Variants in PRKN observed in about 807,000 individuals in gnomAD.
PRKN encodes parkin RBR E3 ubiquitin protein ligase.
Under a neutral mutation model 59.5 loss-of-function variants are expected in PRKN, and 56 were observed. The ratio of observed to expected loss-of-function variants is 0.94; its 90% confidence interval spans 0.76 to 1.18. The LOEUF is 1.18. PRKN is among the 50% of genes most tolerant of loss of function. The pLI, the probability that PRKN is intolerant of heterozygous loss-of-function variation, is 0.00. For missense variants in PRKN, 657 were observed against 596.4 expected (o/e 1.10, Z -1.06); for synonymous variants, 250 against 222.1 (o/e 1.13, Z -1.12).
At position 161,502,179 on chromosome 6, in the gene PRKN, C is replaced by T. The variant is rs754787048; in HGVS notation, c.1083+46675G>A. Among the ~76,000 whole-genome samples the T allele has an allele frequency of 2.0e-5, 3 of 152,100 alleles. No individual in the cohort carries two copies. The highest frequency in any genetic ancestry group is 4.4e-5 in the Non-Finnish European group (3 of 68,034). On this transcript the variant is annotated intron_variant, in intron 9 of 11. Coordinates refer to ENST00000366898, the MANE Select transcript of PRKN (RefSeq NM_004562.3). This position sits in a 1 kb window ranked among gnomAD's most constrained non-coding sequence, Gnocchi z 4.0. ...GTTGCTAATCATGTCCATTTTGGGC[C>T]ATGCACTGCACATGCTTATCATTAG...
intron 6 of PRKN, among the ~76,000 whole-genome samples, chr6:161,793,397 T>A (rs1263735731): frequency 2.6e-5 from 4 of 152,128 alleles, no homozygotes; most frequent in Non-Finnish European, 5.9e-5. Flanking sequence ...AGGGTTTACT[T>A]TGGTTCTGTA....
chr6:162,581,590 G>A (rs757422632), intron 1 of PRKN, among the ~76,000 whole-genome samples: 2 of 152,110 alleles, frequency 1.3e-5, no homozygotes, highest in Non-Finnish European at 1.5e-5. Context: ...GCAAAATCCC[G>A]TCTCTACTAA....
At chr6:161,680,773 ATAT>A (rs1311062184) in intron 7 of PRKN, among the ~76,000 whole-genome samples, 7 of 19,672 alleles carry the variant, frequency 3.6e-4, no homozygotes, top group Admixed American at 7.8e-4. Context: ...ATATATATAT[ATAT>A]TTTTTTTTTT....
At chr6:161,827,632 T>C (rs1792301818) in intron 6 of PRKN, among the ~76,000 whole-genome samples, 1 of 151,668 alleles carries the variant, frequency 6.6e-6, no homozygotes, top group African/African-American at 2.4e-5. Context: ...CTCAGCCTCC[T>C]GAGTAGCTGG....
intron 8 of PRKN, among the ~76,000 whole-genome samples, chr6:161,557,365 T>C (rs1358699942): frequency 6.6e-6 from 1 of 152,156 alleles, no homozygotes; most frequent in Non-Finnish European, 1.5e-5. Flanking sequence ...GAAATAGATA[T>C]TGTATTCTGT....
In PRKN at chr6:161,488,774, C is replaced by A. The variant is rs906185707; in HGVS notation, c.1083+60080G>T. On this transcript the variant is annotated intron_variant, in intron 9 of 11. Coordinates refer to ENST00000366898, the MANE Select transcript of PRKN (RefSeq NM_004562.3). The surrounding 1 kb of genome is among the most constrained non-coding windows in gnomAD (Gnocchi z 4.5). ...TGTTGGGATTACAGGCGTAAGCCACCACACCTGGCATAACAAGGAATTTTT... is the reference window on the plus strand; with the variant it reads ...TGTTGGGATTACAGGCGTAAGCCACAACACCTGGCATAACAAGGAATTTTT... 1.3e-5 allele frequency among the ~76,000 whole-genome samples: 2 copies of A among 152,158 alleles called. No homozygotes were observed. Among genetic ancestry groups the A allele is most frequent in the Non-Finnish European group, 2.9e-5 (2 of 68,040 alleles).
intron 1 of PRKN, among the ~76,000 whole-genome samples, chr6:162,482,856 TATTATCCATCATACCTA>T (rs1792368767): frequency 1.3e-5 from 2 of 152,182 alleles, no homozygotes; most frequent in Non-Finnish European, 2.9e-5. Context: ...CGTGGAAATT[TATTATCCATCATACCTA>T]ATACCAAACT....
intron 1 of PRKN, among the ~76,000 whole-genome samples, chr6:162,719,095 C>G (rs1481825301): frequency 6.6e-6 from 1 of 152,206 alleles, no homozygotes; most frequent in Non-Finnish European, 1.5e-5. Flanking sequence ...CACAACAGAT[C>G]TCTACGAAAT....
intron 1 of PRKN, among the ~76,000 whole-genome samples, chr6:162,640,574 T>G (rs539849534): frequency 6.6e-6 from 1 of 152,150 alleles, no homozygotes; most frequent in Admixed American, 6.6e-5. Context: ...CAGCAACATA[T>G]CTAAACAAAT....
intron 7 of PRKN, among the ~76,000 whole-genome samples, chr6:161,771,374 A>AAAAG (rs1789681082): frequency 1.5e-5 from 2 of 132,484 alleles, no homozygotes; most frequent in Non-Finnish European, 3.2e-5. Flanking sequence ...AAAAAAAATA[A>AAAAG]AATAAAATAA....
At chr6:162,652,981 G>A (rs1373951079) in intron 1 of PRKN, among the ~76,000 whole-genome samples, 1 of 152,072 alleles carries the variant, frequency 6.6e-6, no homozygotes, top group Admixed American at 6.5e-5. Context: ...ATAGCTTCTA[G>A]CATCTTTTCC....
intron 7 of PRKN, among the ~76,000 whole-genome samples, chr6:161,667,167 A>G (rs1309625704): frequency 6.6e-6 from 1 of 152,204 alleles, no homozygotes; most frequent in Non-Finnish European, 1.5e-5. Context: ...TCCACCATAT[A>G]GAAAACTCAG....
intron 6 of PRKN, among the ~76,000 whole-genome samples, chr6:161,935,340 C>T (rs1023496664): frequency 1.3e-4 from 20 of 151,984 alleles, no homozygotes; most frequent in African/African-American, 4.3e-4. Flanking sequence ...ATTGCTTCAG[C>T]CCAGGAGTTT....
chr6:162,486,627 T>G (rs1792551256), intron 1 of PRKN, among the ~76,000 whole-genome samples: 1 of 152,242 alleles, frequency 6.6e-6, no homozygotes, highest in Non-Finnish European at 1.5e-5. Context: ...AAATGCCTTT[T>G]CAAATGGTGG....
chr6:161,630,311 C>T (rs565617335), intron 7 of PRKN, among the ~76,000 whole-genome samples: 18 of 152,172 alleles, frequency 1.2e-4, no homozygotes, highest in East Asian at 3.9e-4. Context: ...GGCCAATCAG[C>T]GCAACTCTCT....
intron 2 of PRKN, among the ~76,000 whole-genome samples, chr6:162,382,891 G>A (rs972598139): frequency 1.3e-5 from 2 of 152,206 alleles, no homozygotes; most frequent in African/African-American, 4.8e-5. Flanking sequence ...AACGTTCACA[G>A]CATCTTCACC....
chr6:162,062,794 T>C (rs1012970120), intron 4 of PRKN, among the ~76,000 whole-genome samples: 1 of 152,204 alleles, frequency 6.6e-6, no homozygotes, highest in Non-Finnish European at 1.5e-5. Flanking sequence ...GGTATGGAAA[T>C]GTTCTTTATC....
chr6:162,577,280 A>G (rs1018933973), intron 1 of PRKN, among the ~76,000 whole-genome samples: 18 of 152,320 alleles, frequency 1.2e-4, no homozygotes, highest in Middle Eastern at 6.8e-3. Flanking sequence ...ATGGAAAAGA[A>G]TAAGATAACA....
intron 1 of PRKN, among the ~76,000 whole-genome samples, chr6:162,463,814 CTG>C (rs1303036265): frequency 6.6e-6 from 1 of 152,164 alleles, no homozygotes; most frequent in East Asian, 1.9e-4. Context: ...ATCCATGAAA[CTG>C]TGAGCAGCCT....
Sources: gnomAD v4.1 joint callset for allele counts (sites outside exome capture counted in the v4.1 genomes callset) on GRCh38, gnomAD v4.1.1 for gene constraint, Gnocchi (gnomAD v3.1) non-coding constraint, MANE v1.5 for transcripts, NCBI Gene and HGNC (gene_info 2026-07-23, HGNC 2026-07-21) for gene names.